Variants in NAA20 observed in about 807,000 individuals in gnomAD.
NAA20 encodes the protein N-alpha-acetyltransferase 20, NatB catalytic subunit, also known as N-alpha-acetyltransferase 20.
NAA20 carries 24 observed loss-of-function variants against 23.8 expected under a neutral mutation model. The observed-to-expected ratio is 1.01, with a 90% CI of 0.73 to 1.42. NAA20 has a LOEUF of 1.42. Among genes scored for constraint, NAA20 ranks in the 40% most tolerant of loss-of-function variants. NAA20 has a pLI of 0.00. For synonymous variants in NAA20, 83 were observed against 77.7 expected (o/e 1.07, Z -0.36); for missense variants, 166 against 223.1 (o/e 0.74, Z 1.63).
At position 20,022,450 on chromosome 20, in the gene NAA20, T is replaced by C; in HGVS notation, c.54-6T>C. ...TTACTAGAGACATTTCTCTTGTTTCTTTCAGTAACTTGGATCCACTTACAG... is the reference window on the plus strand; with the variant it reads ...TTACTAGAGACATTTCTCTTGTTTCCTTCAGTAACTTGGATCCACTTACAG... On this transcript the variant is annotated splice_polypyrimidine_tract_variant and splice_region_variant and intron_variant, in intron 1 of 5. Transcript: ENST00000334982. 1 of 1,589,688 alleles carries C rather than the reference T, an allele frequency of 6.3e-7. No homozygotes were observed. Among genetic ancestry groups the C allele is most frequent in the Non-Finnish European group, 8.5e-7 (1 of 1,171,498 alleles).
chr20:20,025,894 C>A, intron 3 of NAA20, 127 bp downstream of exon 3: 1 of 716,432 alleles, frequency 1.4e-6, no homozygotes, highest in Non-Finnish European at 2.4e-6. Context: ...TTCAACAATT[C>A]AAGAACTTAC....
In NAA20 at chr20:20,032,646, C is replaced by G. The variant is rs60685366; in HGVS notation, c.444C>G (p.Asp148Glu). 6.3e-7 allele frequency: 1 copy of G among 1,597,288 alleles called. No individual in the cohort carries two copies. The highest frequency in any genetic ancestry group is 8.5e-7 in the Non-Finnish European group (1 of 1,173,294). ...CCAGCAACGGGGAGCCTGATGAGGA[C>G]GCTTATGGTAAGCTCCCTTCCATGG... ...YSASNGEPDE[D>E]AYDMRKALSR... The change falls in exon 5 of 6, where the codon GAC becomes GAG. Residue 148 changes from aspartate (D) to glutamate (E), a missense_variant. Physicochemically the swap from Asp to Glu is conservative, Grantham distance 45 (BLOSUM62 2). Coordinates refer to ENST00000334982, the MANE Select transcript of NAA20 (RefSeq NM_016100.5).
chr20:20,031,652 C>T (rs1474597391), intron 4 of NAA20, among the ~76,000 whole-genome samples: 2 of 152,092 alleles, frequency 1.3e-5, no homozygotes, highest in Non-Finnish European at 2.9e-5. Flanking sequence ...GAAAAAGATA[C>T]TTGCAGACAT....
intron 1 of NAA20, 150 bp downstream of exon 1, chr20:20,017,599 C>T: frequency 7.6e-7 from 1 of 1,313,702 alleles, no homozygotes; most frequent in Non-Finnish European, 1.0e-6. Context: ...ACGTGGGCGC[C>T]TCCCTGGGGC....
At chr20:20,031,158 T>C (rs754680721) in intron 4 of NAA20, among the ~76,000 whole-genome samples, 3 of 152,166 alleles carry the variant, frequency 2.0e-5, no homozygotes, top group Non-Finnish European at 2.9e-5. Flanking sequence ...AGAGACAAGA[T>C]ATTCTTGAAC....
chr20:20,017,628 GT>G (rs1474621417), intron 1 of NAA20, 179 bp downstream of exon 1: 5 of 1,306,842 alleles, frequency 3.8e-6, no homozygotes, highest in Non-Finnish European at 5.1e-6. Context: ...CCAGGGAGAG[GT>G]GGGCCTGGAG....
intron 1 of NAA20, among the ~76,000 whole-genome samples, chr20:20,020,330 G>A (rs1484924910): frequency 1.3e-5 from 2 of 152,176 alleles, no homozygotes; most frequent in Non-Finnish European, 2.9e-5. Flanking sequence ...TTTAGTTTGG[G>A]GGTTCAGGGA....
intron 1 of NAA20, chr20:20,018,237 T>C: frequency 1.6e-6 from 1 of 642,650 alleles, no homozygotes; most frequent in Admixed American, 2.9e-5. Context: ...CATTTTATTA[T>C]GAAGATTCCC....
chr20:20,021,637 G>C (rs1426131912), intron 1 of NAA20, among the ~76,000 whole-genome samples: 1 of 152,170 alleles, frequency 6.6e-6, no homozygotes, highest in Non-Finnish European at 1.5e-5. Flanking sequence ...ACTTTTTAGC[G>C]TAAAGGAGTT....
At chr20:20,031,102 T>C (rs1350888498) in intron 4 of NAA20, among the ~76,000 whole-genome samples, 2 of 152,194 alleles carry the variant, frequency 1.3e-5, no homozygotes, top group Non-Finnish European at 2.9e-5. Context: ...TTATAGTACT[T>C]GTTAAGCTGA....
intron 4 of NAA20, among the ~76,000 whole-genome samples, chr20:20,030,544 G>A (rs1433263957): frequency 6.6e-6 from 1 of 151,968 alleles, no homozygotes; most frequent in East Asian, 1.9e-4. Flanking sequence ...TATAGCACAG[G>A]AAAGCAGGAA....
chr20:20,033,215 C>G lies in NAA20; in HGVS notation c.*28C>G. 6.7e-7 allele frequency: 1 copy of G among 1,495,458 alleles called. No individual in the cohort carries two copies. Among genetic ancestry groups the G allele is most frequent in the Non-Finnish European group, 9.3e-7 (1 of 1,075,092 alleles). 92.6% of individuals were successfully genotyped at this position (1,495,458 alleles called of 1,614,324 possible). A position where few individuals can be genotyped will look rare whatever the true frequency, so the allele number is the denominator to read the frequency against. ...CTGGGCAGTGGTTCTTAGGCAGATA[C>G]TCTAGATGCTTTATGGACAATATTA... On this transcript the variant is annotated 3_prime_UTR_variant, in exon 6 of 6. Transcript: ENST00000334982.
intron 1 of NAA20, among the ~76,000 whole-genome samples, chr20:20,019,729 C>T (rs1449648712): frequency 6.6e-6 from 1 of 152,150 alleles, no homozygotes; most frequent in African/African-American, 2.4e-5. Context: ...GGACTACAGG[C>T]ACGTGCTGCC....
At chr20:20,031,894 T>C (rs1387601792) in intron 4 of NAA20, among the ~76,000 whole-genome samples, 2 of 152,224 alleles carry the variant, frequency 1.3e-5, no homozygotes, top group African/African-American at 2.4e-5. Flanking sequence ...GAATGGAGGC[T>C]TACTCACTTC....
chr20:20,023,408 T>C (rs1236331633), intron 2 of NAA20, among the ~76,000 whole-genome samples: 1 of 152,188 alleles, frequency 6.6e-6, no homozygotes, highest in Non-Finnish European at 1.5e-5. Context: ...ACCTGTCTAC[T>C]GAATCCTATC....
At chr20:20,022,672 C>T in intron 2 of NAA20, 192 bp downstream of exon 2, 1 of 505,842 alleles carries the variant, frequency 2.0e-6, no homozygotes, top group East Asian at 3.5e-5. Context: ...TGCTGACAAA[C>T]TGTTAATATC....
At chr20:20,030,476 A>G (rs901591150) in intron 4 of NAA20, among the ~76,000 whole-genome samples, 1 of 152,196 alleles carries the variant, frequency 6.6e-6, no homozygotes, top group African/African-American at 2.4e-5. Context: ...GATACACTGA[A>G]TGCTTTCCTT....
chr20:20,017,320 C>T (rs969672298), upstream of NAA20: 1 of 1,581,778 alleles, frequency 6.3e-7, no homozygotes, highest in Non-Finnish European at 8.6e-7. Context: ...GGTTCCGCGG[C>T]GGCCACGCTC....
intron 4 of NAA20, among the ~76,000 whole-genome samples, chr20:20,030,591 T>G (rs2043336137): frequency 6.6e-6 from 1 of 152,076 alleles, no homozygotes. Flanking sequence ...GAAACAAAAC[T>G]TATTTTGCAC....
Sources: gnomAD v4.1 joint callset for allele counts (sites outside exome capture counted in the v4.1 genomes callset) on GRCh38, gnomAD v4.1.1 for gene constraint, MANE v1.5 for transcripts, NCBI Gene and HGNC (gene_info 2026-07-23, HGNC 2026-07-21) for gene names.